The following CLUAP1 variants were observed in gnomAD, a reference collection of about 807,000 sequenced individuals.
CLUAP1 encodes the protein clusterin-associated protein 1.
A neutral mutation model predicts 55.0 loss-of-function variants in CLUAP1; 50 were observed. The ratio of observed to expected loss-of-function variants is 0.91; its 90% CI spans 0.72 to 1.15. The LOEUF is 1.15. Ranked by LOEUF, CLUAP1 falls within the 50% of genes most tolerant of loss-of-function variation. The pLI is 0.00. For synonymous variants in CLUAP1, 195 were observed against 175.4 expected, an observed-to-expected ratio of 1.11 and a Z score of -0.88; for missense variants, 530 against 507.6, an observed-to-expected ratio of 1.04 and a Z score of -0.42.
intron 4 of CLUAP1, among the ~76,000 whole-genome samples, chr16:3,509,121 G>A (rs945972096): frequency 2.0e-5 from 3 of 152,176 alleles, no homozygotes; most frequent in African/African-American, 4.8e-5. Flanking sequence ...TTAGCTAGGC[G>A]TGGTGGTACA....
rs1414137230 is a variant in CLUAP1, at chr16:3,537,964, A to G, written c.*1693A>G. 7.3e-6 allele frequency: 1 copy of G among 137,142 alleles called. No homozygotes were observed. Among genetic ancestry groups the G allele is most frequent in the East Asian group, 2.2e-4 (1 of 4,548 alleles). The allele number at this position is 137,142 out of a possible 1,614,324, so 8.5% of individuals were successfully genotyped here. A position where few individuals can be genotyped will look rare whatever the true frequency, so the allele number is the denominator to read the frequency against. On this transcript the variant is annotated 3_prime_UTR_variant, in exon 12 of 12. Transcript: ENST00000576634. Reference sequence around the variant, plus strand: ...CAGTGAGCCGAGATGGCGCCACTGCACTCCAGCCTGGGCAGCAGAGTGAGA... The same window carrying G: ...CAGTGAGCCGAGATGGCGCCACTGCGCTCCAGCCTGGGCAGCAGAGTGAGA...
intron 9 of CLUAP1, 51 bp from the exon 10 acceptor site, chr16:3,530,517 G>A (rs763624250): frequency 2.5e-5 from 34 of 1,353,952 alleles, no homozygotes; most frequent in East Asian, 9.2e-5. Flanking sequence ...GAGCTGTTTC[G>A]TTGTGATCAT....
At chr16:3,535,912 G>A (rs913006434) in intron 11 of CLUAP1, 9 of 587,538 alleles carry the variant, frequency 1.5e-5, no homozygotes, top group Non-Finnish European at 2.7e-5. Flanking sequence ...TGCACCTGCA[G>A]TTTGGAGGAT....
At chr16:3,496,448 G>T, upstream of CLUAP1, 1 of 981,550 alleles carries the variant, frequency 1.0e-6, no homozygotes, top group Non-Finnish European at 1.5e-6. Flanking sequence ...AACGGCCGTG[G>T]TTGTGGGGAC....
At chr16:3,496,391 G>T, upstream of CLUAP1, 3 of 1,133,344 alleles carry the variant, frequency 2.6e-6, no homozygotes, top group Non-Finnish European at 3.9e-6. Flanking sequence ...ACCTCTGTCC[G>T]TTTCCCGGAT....
upstream of CLUAP1, chr16:3,496,573 C>T (rs1431160372): frequency 9.3e-6 from 5 of 539,254 alleles, no homozygotes; most frequent in African/African-American, 7.6e-5. Flanking sequence ...TCCTGACTTT[C>T]GATCAGCTGG....
intron 7 of CLUAP1, among the ~76,000 whole-genome samples, chr16:3,520,839 T>C (rs1215938817): frequency 1.3e-5 from 2 of 152,108 alleles, no homozygotes; most frequent in Non-Finnish European, 2.9e-5. Context: ...TGGAGAATAG[T>C]GGTGCCGGCT....
At chr16:3,532,879 T>C (rs1454135394) in intron 11 of CLUAP1, 38 bp downstream of exon 11, 1 of 1,606,438 alleles carries the variant, frequency 6.2e-7, no homozygotes, top group East Asian at 2.2e-5. Context: ...CTGTGCACTC[T>C]GGGTTTGGCT....
chr16:3,501,098 G>C lies in CLUAP1; in HGVS notation c.22+9G>C, dbSNP rs1172818204. The C allele has an allele frequency of 6.3e-7, 1 of 1,589,670 alleles. No homozygotes were observed. Among genetic ancestry groups the C allele is most frequent in the Non-Finnish European group, 8.5e-7 (1 of 1,173,426 alleles). On this transcript the variant is annotated intron_variant, in intron 1 of 11. Transcript: ENST00000576634. Reference sequence around the variant, plus strand: ...TTTCCGCGACCTCCGCAGTAAGGCAGCCCCGCGCCCCTGTGACCTGCGGGT... The same window carrying C: ...TTTCCGCGACCTCCGCAGTAAGGCACCCCCGCGCCCCTGTGACCTGCGGGT...
intron 9 of CLUAP1, among the ~76,000 whole-genome samples, chr16:3,527,147 G>A (rs999201232): frequency 1.3e-5 from 2 of 152,146 alleles, no homozygotes; most frequent in Admixed American, 1.3e-4. Context: ...GCAAGAGACC[G>A]AGAGCACGAG....
Position 3,504,851 on chromosome 16 carries a change from GAC to G in CLUAP1, c.134+22_134+23del. The G allele has an allele frequency of 1.5e-6, 2 of 1,315,574 alleles. No homozygotes were observed. The highest frequency in any genetic ancestry group is 2.2e-6 in the Non-Finnish European group (2 of 907,948). The allele number at this position is 1,315,574 out of a possible 1,614,324, so 81.5% of individuals were successfully genotyped here. On this transcript the variant is annotated intron_variant, in intron 2 of 11. Coordinates refer to ENST00000576634, the MANE Select transcript of CLUAP1 (RefSeq NM_015041.3). ...GAAAAGGTTCGAACGGCACTTTATT[GAC>G]ATCTAAGAGTGAATACTGGGTTTTA...
At chr16:3,513,069 G>T (rs1312515490) in intron 5 of CLUAP1, among the ~76,000 whole-genome samples, 1 of 152,166 alleles carries the variant, frequency 6.6e-6, no homozygotes, top group Admixed American at 6.5e-5. Context: ...AGACTTTATT[G>T]ATCATGATGT....
In CLUAP1 at chr16:3,536,166, C is replaced by T. The variant is rs377189683; in HGVS notation, c.1137C>T (p.Asp379=). 72 of 1,614,016 alleles carry T rather than the reference C, an allele frequency of 4.5e-5. No individual in the cohort carries two copies. In the Admixed American group the frequency reaches 7.2e-4, roughly 16 times the overall value. ...ESEIDMEDDD[D]EDDDLEDESI... is the part of the protein sequence containing the mutation. ...AAATTGACATGGAAGATGATGATGA[C>T]GAGGATGACGATTTGGAAGACGAGA... Residue 379 remains aspartate (D), a synonymous_variant, in exon 12 of 12, where the codon GAC becomes GAT. Transcript: ENST00000576634.
intron 6 of CLUAP1, among the ~76,000 whole-genome samples, chr16:3,516,692 A>G (rs1406747935): frequency 1.3e-5 from 2 of 152,234 alleles, no homozygotes; most frequent in Non-Finnish European, 2.9e-5. Context: ...GGAATTACGT[A>G]TATATGTATA....
At chr16:3,521,433 G>C (rs1401855307) in intron 7 of CLUAP1, among the ~76,000 whole-genome samples, 1 of 149,338 alleles carries the variant, frequency 6.7e-6, no homozygotes, top group Non-Finnish European at 1.5e-5. Flanking sequence ...GGTTTTTTTT[G>C]TTTTTGTTTT....
At position 3,520,766 on chromosome 16, in the gene CLUAP1, A is replaced by G. The variant is rs374289065; in HGVS notation, c.713+730A>G. Among the ~76,000 whole-genome samples, 9 of 152,294 alleles carry G rather than the reference A, an allele frequency of 5.9e-5. No homozygotes were observed. The East Asian group carries it at 9.6e-4, about 16-fold the overall frequency. On this transcript the variant is annotated intron_variant, in intron 7 of 11. Transcript: ENST00000576634. ...ATTTAAACCTTGATCATTCCTCACC[A>G]GTCAGTAATTCATCTTTCTTCCTAC... is the stretch of plus-strand genomic sequence containing the variant.
chr16:3,509,724 C>T (rs2151046478), intron 4 of CLUAP1, among the ~76,000 whole-genome samples: 1 of 152,344 alleles, frequency 6.6e-6, no homozygotes, highest in Middle Eastern at 3.4e-3. Flanking sequence ...TGGCTGAGCT[C>T]CAAGTCTGCT....
chr16:3,514,612 T>G (rs2037695716), intron 5 of CLUAP1, among the ~76,000 whole-genome samples: 1 of 152,170 alleles, frequency 6.6e-6, no homozygotes. Flanking sequence ...AATAACAGAT[T>G]TGTTTCTCAC....
intron 10 of CLUAP1, among the ~76,000 whole-genome samples, chr16:3,531,986 G>A (rs1056670412): frequency 6.6e-6 from 1 of 151,904 alleles, no homozygotes; most frequent in African/African-American, 2.4e-5. Context: ...TTACAGGCCC[G>A]TGCCACCACA....
Sources: gnomAD v4.1 joint callset for allele counts (sites outside exome capture counted in the v4.1 genomes callset) on GRCh38, gnomAD v4.1.1 for gene constraint, MANE v1.5 for transcripts, NCBI Gene and HGNC (gene_info 2026-07-23, HGNC 2026-07-21) for gene names.